The following SORCS2 variants were observed in gnomAD, a reference collection of about 807,000 sequenced individuals.
SORCS2 encodes VPS10 domain-containing receptor SorCS2.
SORCS2 carries 100 observed loss-of-function variants against 141.6 expected under a neutral mutation model. That is an observed-to-expected ratio of 0.71 (90% CI 0.60 to 0.83). The LOEUF is 0.83. Ranked by LOEUF, SORCS2 falls within the 40% of genes least tolerant of loss-of-function variation. The pLI is 0.00. For missense variants in SORCS2, 1,646 were observed against 1,560.2 expected, an observed-to-expected ratio of 1.05 and a Z score of -0.93; for synonymous variants, 789 against 676.9, an observed-to-expected ratio of 1.17 and a Z score of -2.57.
At chr4:7,726,232 C>G (rs1577126464) in intron 20 of SORCS2, among the ~76,000 whole-genome samples, 1 of 152,178 alleles carries the variant, frequency 6.6e-6, no homozygotes, top group Non-Finnish European at 1.5e-5. Flanking sequence ...GAGTGAAGGC[C>G]CAGCCCGGCA....
At chr4:7,620,036 T>C (rs1319965614) in intron 3 of SORCS2, among the ~76,000 whole-genome samples, 1 of 150,022 alleles carries the variant, frequency 6.7e-6, no homozygotes, top group African/African-American at 2.5e-5. Flanking sequence ...TCCTCCTCCT[T>C]CCTCCTCCTC....
chr4:7,415,135 C>T (rs1338601766), intron 2 of SORCS2, among the ~76,000 whole-genome samples: 3 of 152,178 alleles, frequency 2.0e-5, no homozygotes, highest in Non-Finnish European at 4.4e-5. Flanking sequence ...TGGGGCACGC[C>T]TTGGTAAGTG....
intron 2 of SORCS2, among the ~76,000 whole-genome samples, chr4:7,468,588 G>A (rs767109406): frequency 1.3e-5 from 2 of 152,260 alleles, no homozygotes; most frequent in Admixed American, 6.5e-5. Context: ...TCAACGCGTA[G>A]AGTGAATGAA....
chr4:7,397,946 A>G (rs1444410937), intron 2 of SORCS2, among the ~76,000 whole-genome samples: 1 of 152,174 alleles, frequency 6.6e-6, no homozygotes, highest in East Asian at 1.9e-4. Flanking sequence ...CCTCCTTGGC[A>G]TGGAGGGATC....
At chr4:7,215,409 C>T (rs1728279812) in intron 1 of SORCS2, among the ~76,000 whole-genome samples, 1 of 152,238 alleles carries the variant, frequency 6.6e-6, no homozygotes, top group African/African-American at 2.4e-5. Context: ...CCTGAGCCTT[C>T]CCCCGACTCC....
intron 1 of SORCS2, among the ~76,000 whole-genome samples, chr4:7,349,206 T>C (rs1720803546): frequency 6.6e-6 from 1 of 152,200 alleles, no homozygotes; most frequent in Non-Finnish European, 1.5e-5. Context: ...TGGCTGGTGC[T>C]GGAACTCCAG....
At chr4:7,526,241 C>T (rs771174385) in intron 2 of SORCS2, among the ~76,000 whole-genome samples, 8 of 152,272 alleles carry the variant, frequency 5.3e-5, no homozygotes, top group African/African-American at 9.6e-5. Flanking sequence ...CTTCAGAAGA[C>T]GCCCATCGCC....
chr4:7,622,893 T>G (rs1004408309), intron 3 of SORCS2, among the ~76,000 whole-genome samples: 2 of 152,136 alleles, frequency 1.3e-5, no homozygotes. Context: ...TTTTTCCTGC[T>G]GTGCCATTGT....
intron 1 of SORCS2, among the ~76,000 whole-genome samples, chr4:7,313,570 A>G (rs932369175): frequency 3.3e-5 from 5 of 151,790 alleles, no homozygotes; most frequent in Non-Finnish European, 4.4e-5. Context: ...AGACAGAAAG[A>G]CCTCTTTGGG....
chr4:7,612,720 T>G (rs1296141069), intron 3 of SORCS2, among the ~76,000 whole-genome samples: 1 of 152,238 alleles, frequency 6.6e-6, no homozygotes, highest in Non-Finnish European at 1.5e-5. Flanking sequence ...CTGTTCATGT[T>G]GCCACAGAGA....
At chr4:7,241,027 C>T (rs985156183) in intron 1 of SORCS2, among the ~76,000 whole-genome samples, 5 of 152,142 alleles carry the variant, frequency 3.3e-5, no homozygotes, top group East Asian at 1.9e-4. Context: ...CTCTGCCTCC[C>T]GGGATCAAGA....
intron 1 of SORCS2, among the ~76,000 whole-genome samples, chr4:7,273,669 T>G (rs1715286389): frequency 6.6e-6 from 1 of 152,202 alleles, no homozygotes; most frequent in South Asian, 2.1e-4. Context: ...CTGGGAGGCA[T>G]GCAGCTTGCA....
At chr4:7,640,262 ATG>A (rs1461982578) in intron 4 of SORCS2, among the ~76,000 whole-genome samples, 4 of 129,374 alleles carry the variant, frequency 3.1e-5, no homozygotes, top group Non-Finnish European at 6.5e-5. Flanking sequence ...GTGTGTATGT[ATG>A]TGAGCATGTG....
chr4:7,546,538 G>A (rs1209071880), intron 3 of SORCS2, among the ~76,000 whole-genome samples: 1 of 151,970 alleles, frequency 6.6e-6, no homozygotes, highest in Non-Finnish European at 1.5e-5. Context: ...AAGCGGGAGA[G>A]GAGGTGACAG....
intron 4 of SORCS2, among the ~76,000 whole-genome samples, chr4:7,647,325 C>G (rs1259441987): frequency 6.6e-6 from 1 of 152,184 alleles, no homozygotes; most frequent in African/African-American, 2.4e-5. Context: ...GGTGGCTTAA[C>G]AACGTGAACT....
At chr4:7,408,065 A>G (rs1485622319) in intron 2 of SORCS2, among the ~76,000 whole-genome samples, 3 of 152,080 alleles carry the variant, frequency 2.0e-5, no homozygotes, top group African/African-American at 4.8e-5. Flanking sequence ...TTTTCAATAG[A>G]TGTATCTTCT....
intron 3 of SORCS2, among the ~76,000 whole-genome samples, chr4:7,535,393 C>G (rs898954007): frequency 6.6e-6 from 1 of 152,158 alleles, no homozygotes; most frequent in African/African-American, 2.4e-5. Context: ...GAGAGGCTGA[C>G]CCCCTGGCTT....
intron 1 of SORCS2, among the ~76,000 whole-genome samples, chr4:7,370,883 G>A (rs1434114119): frequency 6.6e-6 from 1 of 152,280 alleles, no homozygotes. Context: ...TGCCTAGCAC[G>A]TCCCCTCAAT....
intron 2 of SORCS2, chr4:7,433,480 C>A: frequency 6.3e-7 from 1 of 1,582,860 alleles, no homozygotes; most frequent in Non-Finnish European, 8.6e-7. Flanking sequence ...GTGGCAGGCC[C>A]CCACCTTCTT....
Sources: allele counts gnomAD v4.1 joint callset (sites outside exome capture counted in the v4.1 genomes callset), GRCh38; gene constraint gnomAD v4.1.1; transcripts MANE v1.5; gene names NCBI Gene and HGNC (gene_info 2026-07-23, HGNC 2026-07-21).